The following FRY variants were observed in gnomAD, a reference collection of about 807,000 sequenced individuals.
The protein encoded by FRY is protein furry homolog.
Under a neutral mutation model 348.4 loss-of-function variants are expected in FRY, and 128 were observed. The ratio of observed to expected loss-of-function variants is 0.37; its 90% CI spans 0.32 to 0.43. The LOEUF is 0.43. FRY is among the 20% of genes least tolerant of loss of function. The pLI is 1.00. For synonymous variants in FRY, 1,370 were observed against 1,374.7 expected (o/e 1.00, Z 0.08); for missense variants, 2,736 against 3,695.2 (o/e 0.74, Z 6.73).
At position 32,165,386 on chromosome 13, in the gene FRY, A is replaced by G. The variant is rs539241467; in HGVS notation, c.1892+4135A>G. 2.0e-5 allele frequency among the ~76,000 whole-genome samples: 3 copies of G among 152,360 alleles called. No homozygotes were observed. The East Asian group carries it at 5.8e-4, about 29-fold the overall frequency. On this transcript the variant is annotated intron_variant, in intron 17 of 60. Transcript: ENST00000542859. ...TGTCTCAATTGTATATATTGCCTCA[A>G]TAATTCACTTAGTCATATTTCTGTA...
chr13:32,287,692 G>A lies in FRY; in HGVS notation c.8470-1941G>A, dbSNP rs564412473. The stretch of plus-strand genomic sequence containing the variant: ...ATTAGAGCTTGTTTTTAACTGGAAC[G>A]CTATGCATGTTGAATGGGTACGACA... On this transcript the variant is annotated intron_variant, in intron 58 of 60. Coordinates refer to ENST00000542859, the MANE Select transcript of FRY (RefSeq NM_023037.3). 1.2e-3 allele frequency among the ~76,000 whole-genome samples: 182 copies of A among 152,266 alleles called. 1 individual carries two copies. Among genetic ancestry groups the A allele is most frequent in the African/African-American group, 3.7e-3 (154 of 41,572 alleles).
At chr13:32,159,473 A>G (rs908149781) in intron 16 of FRY, among the ~76,000 whole-genome samples, 6 of 152,198 alleles carry the variant, frequency 3.9e-5, no homozygotes, top group African/African-American at 1.2e-4. Context: ...AAAAAGAAAG[A>G]AAGGAAGAAA....
chr13:32,235,734 C>T (rs1593781371), intron 42 of FRY, among the ~76,000 whole-genome samples: 1 of 152,216 alleles, frequency 6.6e-6, no homozygotes. Flanking sequence ...GGAGGCAGCT[C>T]TTCCTGTACC....
In FRY at chr13:32,236,111, G is replaced by T. The variant is rs1383980295; in HGVS notation, c.5749G>T (p.Ala1917Ser). 6.2e-7 allele frequency: 1 copy of T among 1,613,934 alleles called. No homozygotes were observed. The highest frequency in any genetic ancestry group is 1.3e-5 in the African/African-American group (1 of 74,902). ...YVMEALLTLEAAVDNLSDCLK... is the reference protein window; with the variant it reads ...YVMEALLTLESAVDNLSDCLK... ...AATGGAAGCGCTCCTAACCTTGGAGGCGGCTGTGGATAACTTGTCTGACTG... is the reference window on the plus strand; with the variant it reads ...AATGGAAGCGCTCCTAACCTTGGAGTCGGCTGTGGATAACTTGTCTGACTG... Residue 1917 changes from alanine to serine, a missense_variant, in exon 43 of 61, where the codon GCG becomes TCG. This residue lies in a region of FRY where 794 missense variants were observed against 977.0 expected (regional missense o/e 0.81). Coordinates refer to ENST00000542859, the MANE Select transcript of FRY (RefSeq NM_023037.3).
At chr13:32,218,692 A>G (rs1885139795) in intron 35 of FRY, 57 bp from the exon 36 acceptor site, 2 of 989,006 alleles carry the variant, frequency 2.0e-6, no homozygotes, top group Admixed American at 2.2e-5. Flanking sequence ...AAAAAAAAAA[A>G]AAAAGCGCAT....
At chr13:32,045,356 G>A (rs1240805045) in intron 1 of FRY, among the ~76,000 whole-genome samples, 1 of 152,164 alleles carries the variant, frequency 6.6e-6, no homozygotes, top group East Asian at 1.9e-4. Context: ...TTCCAGGTCT[G>A]CATCACCTCC....
At chr13:32,278,278 A>G (rs1888635913) in intron 57 of FRY, among the ~76,000 whole-genome samples, 187 bp from the exon 58 acceptor site, 1 of 152,232 alleles carries the variant, frequency 6.6e-6, no homozygotes, top group Admixed American at 6.5e-5. Flanking sequence ...CCATATAAAC[A>G]GATACTTTTA....
chr13:32,034,291 T>C (rs971683255), intron 1 of FRY, among the ~76,000 whole-genome samples: 8 of 152,188 alleles, frequency 5.3e-5, no homozygotes, highest in African/African-American at 1.9e-4. Flanking sequence ...AATGGCACAT[T>C]GTGGGGAAAA....
intron 50 of FRY, among the ~76,000 whole-genome samples, chr13:32,252,392 T>G (rs1213941592): frequency 1.3e-5 from 2 of 152,204 alleles, no homozygotes; most frequent in African/African-American, 2.4e-5. Flanking sequence ...ATAATGTTTC[T>G]TTGCATATAA....
intron 1 of FRY, among the ~76,000 whole-genome samples, chr13:32,035,585 G>T (rs983373764): frequency 6.6e-6 from 1 of 152,200 alleles, no homozygotes; most frequent in African/African-American, 2.4e-5. Context: ...AAGCTCTAAA[G>T]GGCGTCCTTG....
chr13:32,231,290 T>C lies in FRY; in HGVS notation c.5517T>C (p.Asp1839=), dbSNP rs1204038831. 1.9e-6 allele frequency: 3 copies of C among 1,613,506 alleles called. No individual in the cohort carries two copies. The highest frequency in any genetic ancestry group is 1.7e-5 in the Admixed American group (1 of 60,008). ...GTCACGTTGTATCTGTATTTAAAGATTCCAAATCAGGTACTTCATCTTATT... is the reference window on the plus strand; with the variant it reads ...GTCACGTTGTATCTGTATTTAAAGACTCCAAATCAGGTACTTCATCTTATT... The part of the protein sequence containing the change: ...FLRHVVSVFK[D]SKSGFHLEHQ... The change falls in exon 41 of 61, where the codon GAT becomes GAC. Residue 1839 remains aspartate (D), a synonymous_variant. Coordinates refer to ENST00000542859, the MANE Select transcript of FRY (RefSeq NM_023037.3).
intron 55 of FRY, among the ~76,000 whole-genome samples, chr13:32,271,494 G>A (rs374036578): frequency 6.6e-6 from 1 of 152,142 alleles, no homozygotes; most frequent in Non-Finnish European, 1.5e-5. Context: ...CCCTGGCCCC[G>A]CCACAGAGAC....
rs549151359 is a variant in FRY, at chr13:32,070,116, A to G, written c.71-8718A>G. Among the ~76,000 whole-genome samples the G allele has an allele frequency of 7.9e-5, 12 of 152,238 alleles. No individual in the cohort carries two copies. The South Asian group carries it at 2.5e-3, about 32-fold the overall frequency. On this transcript the variant is annotated intron_variant, in intron 1 of 60. Transcript: ENST00000542859. ...ATTTTCTTAATCCAGTCTATCATTG[A>G]TGGACATTTGGGTTGGTTCCAAGTC...
intron 1 of FRY, among the ~76,000 whole-genome samples, chr13:32,037,291 TA>T (rs1174043808): frequency 6.6e-6 from 1 of 152,136 alleles, no homozygotes; most frequent in Non-Finnish European, 1.5e-5. Flanking sequence ...CAAAAGTAAA[TA>T]AAAAAGCATG....
rs1312501946 is a variant in FRY at position 32,298,632 on chromosome 13, T to C, written c.*3172T>C. 2 of 152,204 alleles carry C rather than the reference T, an allele frequency of 1.3e-5. No individual in the cohort carries two copies. Among genetic ancestry groups the C allele is most frequent in the South Asian group, 4.1e-4 (2 of 4,824 alleles). 9.4% of individuals were successfully genotyped at this position (152,204 alleles called of 1,614,324 possible). A position where few individuals can be genotyped will look rare whatever the true frequency, so the allele number is the denominator to read the frequency against. On this transcript the variant is annotated 3_prime_UTR_variant, in exon 61 of 61. Coordinates refer to ENST00000542859, the MANE Select transcript of FRY (RefSeq NM_023037.3). The stretch of plus-strand genomic sequence containing the variant: ...AGAACAAAACGGATACAGTGAGTAA[T>C]GTGGACAGGGCTATCTTAGCTATCA...
intron 40 of FRY, among the ~76,000 whole-genome samples, chr13:32,230,039 C>G (rs1355979907): frequency 6.6e-6 from 1 of 152,126 alleles, no homozygotes; most frequent in Non-Finnish European, 1.5e-5. Flanking sequence ...CAAAATAATT[C>G]ATAAAATTGT....
At chr13:32,200,359 A>G (rs1459586786) in intron 29 of FRY, among the ~76,000 whole-genome samples, 1 of 152,226 alleles carries the variant, frequency 6.6e-6, no homozygotes, top group Non-Finnish European at 1.5e-5. Flanking sequence ...CCTTCAAACT[A>G]TCTTTTTCTT....
rs1886403186 is a variant in FRY, at chr13:32,239,742, C to T, written c.6548C>T (p.Ser2183Leu). The T allele has an allele frequency of 6.2e-7, 1 of 1,613,632 alleles. No homozygotes were observed. The highest frequency in any genetic ancestry group is 1.3e-5 in the African/African-American group (1 of 74,906). ...TTAGAAGAGAAGAACCCCAAACTTT[C>T]AAATCTTGCACATGTCATGACTCTT... ...VCLEEKNPKLSNLAHVMTLYK... is the reference protein window; with the variant it reads ...VCLEEKNPKLLNLAHVMTLYK... Residue 2183 changes from serine (S) to leucine (L), a missense_variant, in exon 46 of 61, where the codon TCA becomes TTA. Physicochemically the swap from Ser to Leu is moderately radical, Grantham distance 145. This residue lies in a region of FRY where 789 missense variants were observed against 996.2 expected (regional missense o/e 0.79). Transcript: ENST00000542859. The surrounding 1 kb of genome is among the most constrained non-coding windows in gnomAD (Gnocchi z 4.3).
chr13:32,054,005 T>C (rs1162013382), intron 1 of FRY, among the ~76,000 whole-genome samples: 1 of 152,044 alleles, frequency 6.6e-6, no homozygotes, highest in Non-Finnish European at 1.5e-5. Context: ...AAATTAAAAA[T>C]AAAACAATAA....
Sources: gnomAD v4.1 joint callset for allele counts (sites outside exome capture counted in the v4.1 genomes callset) on GRCh38, gnomAD v4.1.1 for gene constraint, gnomAD v4.1.1 regional missense constraint, Gnocchi (gnomAD v3.1) non-coding constraint, MANE v1.5 for transcripts, NCBI Gene and HGNC (gene_info 2026-07-23, HGNC 2026-07-21) for gene names.